Variants in LRRC4C observed in about 807,000 individuals in gnomAD.
LRRC4C encodes the protein leucine rich repeat containing 4C.
In LRRC4C, 5 loss-of-function variants were observed where a neutral mutation model predicts 33.6. That is an observed-to-expected ratio of 0.15 (90% CI 0.08 to 0.31). The LOEUF is 0.31. LRRC4C is among the 10% of genes least tolerant of loss of function. LRRC4C has a pLI of 1.00. For missense variants in LRRC4C, 560 were observed against 796.7 expected (o/e 0.70, Z 3.58); for synonymous variants, 329 against 302.0 (o/e 1.09, Z -0.93).
intron 1 of LRRC4C, among the ~76,000 whole-genome samples, chr11:40,950,199 C>G (rs532564935): frequency 6.6e-6 from 1 of 151,990 alleles, no homozygotes; most frequent in African/African-American, 2.4e-5. Flanking sequence ...CTACATCCTT[C>G]CAAGCTCTAA....
chr11:41,071,578 G>T (rs1113957), intron 1 of LRRC4C, among the ~76,000 whole-genome samples: 1 of 152,084 alleles, frequency 6.6e-6, no homozygotes, highest in Admixed American at 6.6e-5. Flanking sequence ...CTACTGCTCA[G>T]AAAAAATGAT....
chr11:41,134,453 CAT>C (rs1225393570), intron 1 of LRRC4C, among the ~76,000 whole-genome samples: 1 of 152,112 alleles, frequency 6.6e-6, no homozygotes, highest in Non-Finnish European at 1.5e-5. Context: ...TAACCACTAA[CAT>C]AGTAGTCATC....
At chr11:40,527,884 G>C (rs796932978) in intron 3 of LRRC4C, among the ~76,000 whole-genome samples, 1 of 152,036 alleles carries the variant, frequency 6.6e-6, no homozygotes, top group African/African-American at 2.4e-5. Flanking sequence ...AAGTAGCTGG[G>C]ATTACAGGCA....
At chr11:40,575,239 C>T (rs956393214) in intron 3 of LRRC4C, among the ~76,000 whole-genome samples, 37 of 152,274 alleles carry the variant, frequency 2.4e-4, no homozygotes, top group African/African-American at 7.2e-4. Flanking sequence ...AATAAGCGCA[C>T]GTCATGGGGT....
At chr11:40,449,671 C>T (rs990432634) in intron 3 of LRRC4C, among the ~76,000 whole-genome samples, 3 of 152,168 alleles carry the variant, frequency 2.0e-5, no homozygotes, top group African/African-American at 4.8e-5. Flanking sequence ...GCATACCCCA[C>T]TCTAGGCATG....
intron 1 of LRRC4C, among the ~76,000 whole-genome samples, chr11:41,213,345 C>A (rs1028281626): frequency 6.6e-6 from 1 of 152,126 alleles, no homozygotes; most frequent in Non-Finnish European, 1.5e-5. Flanking sequence ...GAGAAATGGA[C>A]ATTAATGCCC....
intron 1 of LRRC4C, among the ~76,000 whole-genome samples, chr11:41,429,965 T>C (rs1391034800): frequency 6.6e-6 from 1 of 152,086 alleles, no homozygotes; most frequent in African/African-American, 2.4e-5. Flanking sequence ...TTAGAGAGGA[T>C]CAATCATGCC....
At chr11:40,934,175 CT>C in intron 1 of LRRC4C, among the ~76,000 whole-genome samples, 1 of 152,232 alleles carries the variant, frequency 6.6e-6, no homozygotes, top group Non-Finnish European at 1.5e-5. Context: ...TGTCATTATT[CT>C]TTTGTCTATT....
intron 1 of LRRC4C, among the ~76,000 whole-genome samples, chr11:41,007,931 C>G (rs1203622881): frequency 6.6e-6 from 1 of 152,114 alleles, no homozygotes; most frequent in African/African-American, 2.4e-5. Flanking sequence ...GCAGCACTAT[C>G]CATCTTGTTA....
chr11:40,974,713 G>C (rs55849088), intron 1 of LRRC4C, among the ~76,000 whole-genome samples: 13,445 of 152,270 alleles, frequency 0.088, 640 homozygotes, highest in Non-Finnish European at 0.098. Flanking sequence ...ATTGCAGTGT[G>C]ATTCAGTGGA....
At chr11:40,585,332 T>G (rs559681196) in intron 3 of LRRC4C, among the ~76,000 whole-genome samples, 77 of 152,130 alleles carry the variant, frequency 5.1e-4, no homozygotes, top group Non-Finnish European at 9.1e-4. Flanking sequence ...ACACCATTGC[T>G]TGAGAGGGAA....
At chr11:41,268,165 G>A (rs1186116088) in intron 1 of LRRC4C, among the ~76,000 whole-genome samples, 5 of 152,142 alleles carry the variant, frequency 3.3e-5, no homozygotes, top group Non-Finnish European at 7.4e-5. Flanking sequence ...CACAAAGCAA[G>A]GTTGAGGCCA....
chr11:40,864,383 T>C (rs988051116), intron 2 of LRRC4C, among the ~76,000 whole-genome samples: 1 of 152,146 alleles, frequency 6.6e-6, no homozygotes, highest in African/African-American at 2.4e-5. Flanking sequence ...CACACTAATT[T>C]ATACCACAAG....
At chr11:40,909,181 A>C (rs1287522106) in intron 2 of LRRC4C, among the ~76,000 whole-genome samples, 1 of 152,072 alleles carries the variant, frequency 6.6e-6, no homozygotes, top group Non-Finnish European at 1.5e-5. Context: ...TACATGAGGA[A>C]TTTTATCTTC....
chr11:40,130,827 T>C (rs1856597202), intron 6 of LRRC4C, among the ~76,000 whole-genome samples: 1 of 152,192 alleles, frequency 6.6e-6, no homozygotes, highest in Non-Finnish European at 1.5e-5. Flanking sequence ...CTACTTTTCC[T>C]CTTTGGGGAC....
chr11:41,353,932 C>CA (rs201401495), intron 1 of LRRC4C, among the ~76,000 whole-genome samples: 2,874 of 152,104 alleles, frequency 0.019, 83 homozygotes, highest in African/African-American at 0.065. Context: ...ACTGAACAGG[C>CA]AAACCTGGAA....
chr11:40,116,402 T>G, intron 6 of LRRC4C, 68 bp from the exon 7 acceptor site: 1 of 1,464,846 alleles, frequency 6.8e-7, no homozygotes, highest in Non-Finnish European at 9.1e-7. Flanking sequence ...TCTGGAGTAA[T>G]GTCGGTGATA....
At chr11:40,870,040 C>T (rs1954557447) in intron 2 of LRRC4C, among the ~76,000 whole-genome samples, 1 of 151,994 alleles carries the variant, frequency 6.6e-6, no homozygotes, top group Non-Finnish European at 1.5e-5. Context: ...CTTTCCACTG[C>T]CAACACTATC....
intron 3 of LRRC4C, among the ~76,000 whole-genome samples, chr11:40,490,748 A>T (rs764414471): frequency 8.5e-5 from 13 of 152,150 alleles, no homozygotes; most frequent in African/African-American, 1.2e-4. Flanking sequence ...TAAGTAAAGG[A>T]TGTTCTTTAA....
Sources: allele counts gnomAD v4.1 joint callset (sites outside exome capture counted in the v4.1 genomes callset), GRCh38; gene constraint gnomAD v4.1.1; transcripts MANE v1.5; gene names NCBI Gene and HGNC (gene_info 2026-07-23, HGNC 2026-07-21).